The following DOT1L variants were observed in gnomAD, a reference collection of about 807,000 sequenced individuals.
DOT1L encodes the protein histone-lysine N-methyltransferase, H3 lysine-79 specific.
A neutral mutation model predicts 153.3 loss-of-function variants in DOT1L; 33 were observed. The ratio of observed to expected loss-of-function variants is 0.22; its 90% CI spans 0.16 to 0.29. The LOEUF is 0.29. DOT1L is among the 10% of genes least tolerant of loss of function. The pLI is 1.00. For synonymous variants in DOT1L, 1,135 were observed against 965.1 expected, an observed-to-expected ratio of 1.18 and a Z score of -3.26; for missense variants, 1,847 against 2,119.9, an observed-to-expected ratio of 0.87 and a Z score of 2.53.
In DOT1L at chr19:2,230,741, G is replaced by A. The variant is rs2024564453; in HGVS notation, c.*949G>A. On this transcript the variant is annotated 3_prime_UTR_variant, in exon 28 of 28. Coordinates refer to ENST00000398665, the MANE Select transcript of DOT1L (RefSeq NM_032482.3). ...AATGCACAGTGAAGAGGAAAGAAAA[G>A]CGAGGGGAAAAAACCTTATTTATTC... The A allele has an allele frequency of 2.5e-6, 1 of 397,610 alleles. No homozygotes were observed. Among genetic ancestry groups the A allele is most frequent in the Non-Finnish European group, 4.4e-6 (1 of 225,956 alleles). 24.6% of individuals were successfully genotyped at this position (397,610 alleles called of 1,614,324 possible).
rs1478216462 is a variant in DOT1L at position 2,204,003 on chromosome 19, T to C, written c.787+1224T>C. On this transcript the variant is annotated intron_variant, in intron 9 of 27. Coordinates refer to ENST00000398665, the MANE Select transcript of DOT1L (RefSeq NM_032482.3). This position sits in a 1 kb window ranked among gnomAD's most constrained non-coding sequence, Gnocchi z 5.7. The stretch of plus-strand genomic sequence containing the variant: ...AGGCTAGGGGAGAACTGCGGTGGGC[T>C]CCTCAGGCCTCCCAAACAAAACCCA... Among the ~76,000 whole-genome samples the C allele has an allele frequency of 6.6e-6, 1 of 152,246 alleles. No individual in the cohort carries two copies. Among genetic ancestry groups the C allele is most frequent in the Non-Finnish European group, 1.5e-5 (1 of 68,030 alleles).
At position 2,190,293 on chromosome 19, in the gene DOT1L, G is replaced by A. The variant is rs2022736350; in HGVS notation, c.264+498G>A. 6.6e-6 allele frequency among the ~76,000 whole-genome samples: 1 copy of A among 152,162 alleles called. No homozygotes were observed. The highest frequency in any genetic ancestry group is 6.5e-5 in the Admixed American group (1 of 15,280). The stretch of plus-strand genomic sequence containing the variant: ...AGTGAGCTGGGGTGTAGCAGGGAGG[G>A]GAACGTGCTGCTTCCCATGTTCTAG... On this transcript the variant is annotated intron_variant, in intron 4 of 27. Transcript: ENST00000398665. This position sits in a 1 kb window ranked among gnomAD's most constrained non-coding sequence, Gnocchi z 4.8.
rs1403898897 is a variant in DOT1L at position 2,217,731 on chromosome 19, G to T, written c.2545-41G>T. 2 of 1,575,020 alleles carry T rather than the reference G, an allele frequency of 1.3e-6. No individual in the cohort carries two copies. Among genetic ancestry groups the T allele is most frequent in the African/African-American group, 2.7e-5 (2 of 73,848 alleles). Reference sequence around the variant, plus strand: ...GCTGTGGTCCCTGTGTCCTGGAGGGGTTTGTTGACCCACGACTGGGGGTCG... The same window carrying T: ...GCTGTGGTCCCTGTGTCCTGGAGGGTTTTGTTGACCCACGACTGGGGGTCG... On this transcript the variant is annotated intron_variant, in intron 21 of 27. Transcript: ENST00000398665. This position sits in a 1 kb window ranked among gnomAD's most constrained non-coding sequence, Gnocchi z 7.3.
At chr19:2,214,329 C>A in intron 18 of DOT1L, 142 bp from the exon 19 acceptor site, 2 of 1,372,920 alleles carry the variant, frequency 1.5e-6, no homozygotes, top group Non-Finnish European at 1.9e-6. Context: ...GCATCCTCAG[C>A]CTGCTATTCC....
intron 7 of DOT1L, among the ~76,000 whole-genome samples, chr19:2,199,255 A>G (rs1568346966): frequency 6.6e-6 from 1 of 152,086 alleles, no homozygotes; most frequent in Non-Finnish European, 1.5e-5. Context: ...AGCTGTGGGG[A>G]CAGCGCTGCT....
At chr19:2,169,772 C>G (rs1380694206) in intron 1 of DOT1L, among the ~76,000 whole-genome samples, 1 of 152,194 alleles carries the variant, frequency 6.6e-6, no homozygotes, top group Non-Finnish European at 1.5e-5. Context: ...CAAATAAATG[C>G]TCCACTTATA....
In DOT1L at chr19:2,220,987, C is replaced by G. The variant is rs954026343; in HGVS notation, c.2806+765C>G. The G allele has an allele frequency of 5.6e-6, 1 of 180,098 alleles. No homozygotes were observed. Among genetic ancestry groups the G allele is most frequent in the African/African-American group, 2.4e-5 (1 of 41,824 alleles). 11.2% of individuals were successfully genotyped at this position (180,098 alleles called of 1,614,324 possible). On this transcript the variant is annotated intron_variant, in intron 23 of 27. Coordinates refer to ENST00000398665, the MANE Select transcript of DOT1L (RefSeq NM_032482.3). The surrounding 1 kb of genome is among the most constrained non-coding windows in gnomAD (Gnocchi z 4.5). ...GGACAGGAGTTTGAGACCAGCCTGG[C>G]CAACATGGTGAAACCACCGTCTGTA...
intron 27 of DOT1L, chr19:2,227,689 CT>C: frequency 7.7e-7 from 1 of 1,294,798 alleles, no homozygotes. Flanking sequence ...CTGCGCTTGC[CT>C]GGATGCTGCC....
At chr19:2,166,681 G>A (rs1160877853) in intron 1 of DOT1L, among the ~76,000 whole-genome samples, 1 of 152,204 alleles carries the variant, frequency 6.6e-6, no homozygotes, top group African/African-American at 2.4e-5. Context: ...AAAGTGCCGG[G>A]ATTACAGGGG....
At chr19:2,181,559 A>G (rs750013094) in intron 2 of DOT1L, among the ~76,000 whole-genome samples, 49 of 152,168 alleles carry the variant, frequency 3.2e-4, no homozygotes, top group Non-Finnish European at 6.2e-4. Context: ...GGATTAAGTG[A>G]AATCGTTTGT....
rs1303672371 is a variant in DOT1L at position 2,231,991 on chromosome 19, C to CGGGT, written c.*2199_*2200insGGGT. The CGGGT allele has an allele frequency of 1.4e-5, 3 of 209,746 alleles. No individual in the cohort carries two copies. Among genetic ancestry groups the CGGGT allele is most frequent in the Non-Finnish European group, 2.9e-5 (3 of 103,184 alleles). 13.0% of individuals were successfully genotyped at this position (209,746 alleles called of 1,614,324 possible). ...AGTGTGGTGGCTGCCTGCGGACACCCTCCTGTTCTGAGCCCTGGGCCTGTG... is the reference window on the plus strand; with the variant it reads ...AGTGTGGTGGCTGCCTGCGGACACCCGGGTTCCTGTTCTGAGCCCTGGGCCTGTG... On this transcript the variant is annotated 3_prime_UTR_variant, in exon 28 of 28. Transcript: ENST00000398665.
rs939675941 is a variant in DOT1L, at chr19:2,216,111, C to T, written c.1924-170C>T. On this transcript the variant is annotated intron_variant, in intron 19 of 27. Transcript: ENST00000398665. ...CGGCCCTCCACATGACTTTATTTGA[C>T]GCCCCCAGCTTCCCGACCCCGCCTC... is the stretch of plus-strand genomic sequence containing the variant. The T allele has an allele frequency of 4.2e-5, 38 of 908,150 alleles. 1 individual carries two copies. The highest frequency in any genetic ancestry group is 2.4e-4 in the South Asian group (13 of 53,334). The allele number at this position is 908,150 out of a possible 1,614,324, so 56.3% of individuals were successfully genotyped here. A position where few individuals can be genotyped will look rare whatever the true frequency, so the allele number is the denominator to read the frequency against.
chr19:2,229,512 G>A (rs1160711536), intron 27 of DOT1L: 1 of 985,354 alleles, frequency 1.0e-6, no homozygotes, highest in East Asian at 1.1e-4. Flanking sequence ...TGAGCTGCAG[G>A]TAGGGTGGCT....
At chr19:2,178,609 G>A (rs1460717011) in intron 1 of DOT1L, among the ~76,000 whole-genome samples, 1 of 151,898 alleles carries the variant, frequency 6.6e-6, no homozygotes, top group Non-Finnish European at 1.5e-5. Flanking sequence ...AGTAGAGATG[G>A]GGTTTCATTG....
chr19:2,182,945 A>G (rs907996649), intron 2 of DOT1L, among the ~76,000 whole-genome samples: 1 of 152,148 alleles, frequency 6.6e-6, no homozygotes, highest in African/African-American at 2.4e-5. Flanking sequence ...AGGGGCGTGC[A>G]CCAACACCTG....
intron 2 of DOT1L, among the ~76,000 whole-genome samples, chr19:2,184,790 T>C (rs1291000377): frequency 2.0e-5 from 3 of 152,224 alleles, no homozygotes; most frequent in African/African-American, 7.2e-5. Context: ...TTCGGTGAAT[T>C]GCAGTGACTA....
At chr19:2,223,514 G>A in intron 25 of DOT1L, 28 bp downstream of exon 25, 1 of 1,540,900 alleles carries the variant, frequency 6.5e-7, no homozygotes, top group Non-Finnish European at 8.7e-7. Context: ...GAGGGGGGCG[G>A]GGCCTGGCAG....
chr19:2,226,610 C>G lies in DOT1L; in HGVS notation c.4089C>G (p.Asp1363Glu), dbSNP rs973184262. The change falls in exon 27 of 28, where the codon GAC becomes GAG. Residue 1363 changes from aspartate (D) to glutamate (E), a missense_variant. Physicochemically the swap from Asp to Glu is conservative, Grantham distance 45. Coordinates refer to ENST00000398665, the MANE Select transcript of DOT1L (RefSeq NM_032482.3). Reference sequence around the variant, plus strand: ...CGCAGCGCGGCAAGGAGGGCTCGGACGCCAACCCTTTCCTGAGCAAGAGGC... The same window carrying G: ...CGCAGCGCGGCAAGGAGGGCTCGGAGGCCAACCCTTTCCTGAGCAAGAGGC... ...FPSQRGKEGS[D>E]ANPFLSKRQL... is the part of the protein sequence containing the mutation. The G allele has an allele frequency of 4.4e-6, 7 of 1,597,072 alleles. No homozygotes were observed. Among genetic ancestry groups the G allele is most frequent in the Non-Finnish European group, 5.1e-6 (6 of 1,175,982 alleles).
At position 2,164,194 on chromosome 19, in the gene DOT1L, A is replaced by G. The variant is rs2144620105; in HGVS notation, c.10A>G (p.Lys4Glu). Reference protein sequence around the residue: MGEKLELRLKSPVG... With the variant: MGEELELRLKSPVG... Reference sequence around the variant, plus strand: ...GGCCGCGCGCGCGGACATGGGGGAGAAGCTGGAGCTGAGACTGAAGTCGCC... The same window carrying G: ...GGCCGCGCGCGCGGACATGGGGGAGGAGCTGGAGCTGAGACTGAAGTCGCC... Residue 4 changes from lysine (K) to glutamate (E), a missense_variant, in exon 1 of 28, where the codon AAG becomes GAG. Coordinates refer to ENST00000398665, the MANE Select transcript of DOT1L (RefSeq NM_032482.3). 8.2e-7 allele frequency: 1 copy of G among 1,219,010 alleles called. No individual in the cohort carries two copies. The highest frequency in any genetic ancestry group is 1.0e-6 in the Non-Finnish European group (1 of 977,014). The allele number at this position is 1,219,010 out of a possible 1,614,324, so 75.5% of individuals were successfully genotyped here. A position where few individuals can be genotyped will look rare whatever the true frequency, so the allele number is the denominator to read the frequency against.
Sources: allele counts gnomAD v4.1 joint callset (sites outside exome capture counted in the v4.1 genomes callset), GRCh38; gene constraint gnomAD v4.1.1; non-coding constraint Gnocchi (gnomAD v3.1); transcripts MANE v1.5; gene names NCBI Gene and HGNC (gene_info 2026-07-23, HGNC 2026-07-21).